Variants in LRRC28 observed in about 807,000 individuals in gnomAD.
The protein encoded by LRRC28 is leucine rich repeat containing 28.
In LRRC28, 39 loss-of-function variants were observed where a neutral mutation model predicts 45.7. The ratio of observed to expected loss-of-function variants is 0.85; its 90% CI spans 0.66 to 1.12. The LOEUF (loss-of-function observed/expected upper bound fraction) is 1.12, where lower values mean the gene tolerates loss of function less well. LRRC28 is among the 50% of genes most tolerant of loss of function. LRRC28 has a pLI of 0.00. For missense variants in LRRC28, 435 were observed against 438.5 expected, an observed-to-expected ratio of 0.99 and a Z score of 0.07; for synonymous variants, 206 against 178.8, an observed-to-expected ratio of 1.15 and a Z score of -1.22.
chr15:99,304,129 A>C (rs554444938), intron 5 of LRRC28, among the ~76,000 whole-genome samples: 7 of 152,176 alleles, frequency 4.6e-5, no homozygotes, highest in Non-Finnish European at 1.0e-4. Flanking sequence ...GAATACAGCC[A>C]TGTCCATTCG....
At chr15:99,270,651 T>C (rs1227391791) in intron 2 of LRRC28, among the ~76,000 whole-genome samples, 2 of 152,256 alleles carry the variant, frequency 1.3e-5, no homozygotes. Flanking sequence ...TGTATGGCTA[T>C]ACCACCATTT....
At chr15:99,361,804 G>A (rs1375548333) in intron 8 of LRRC28, among the ~76,000 whole-genome samples, 2 of 152,172 alleles carry the variant, frequency 1.3e-5, no homozygotes, top group Admixed American at 6.5e-5. Flanking sequence ...AAACGTGGTT[G>A]TCAGTTGCAA....
At chr15:99,253,607 G>A (rs1020777760) in intron 1 of LRRC28, among the ~76,000 whole-genome samples, 2 of 152,218 alleles carry the variant, frequency 1.3e-5, no homozygotes, top group African/African-American at 2.4e-5. Flanking sequence ...GCACCCTCAA[G>A]GCCTAGTATG....
chr15:99,311,236 G>T (rs1955398299), intron 5 of LRRC28, among the ~76,000 whole-genome samples: 1 of 152,200 alleles, frequency 6.6e-6, no homozygotes, highest in African/African-American at 2.4e-5. Context: ...GTGAGGTCAG[G>T]TGTATAATTT....
intron 5 of LRRC28, among the ~76,000 whole-genome samples, chr15:99,303,960 A>G (rs1161585759): frequency 6.6e-6 from 1 of 152,220 alleles, no homozygotes; most frequent in African/African-American, 2.4e-5. Flanking sequence ...AATTGTTTAC[A>G]TTGTTATCAG....
At chr15:99,361,190 G>T in intron 7 of LRRC28, 146 bp from the exon 8 acceptor site, 1 of 985,910 alleles carries the variant, frequency 1.0e-6, no homozygotes, top group Non-Finnish European at 1.4e-6. Context: ...AGGAACCCGG[G>T]ATAGCATCTG....
chr15:99,338,275 A>G (rs1013185899), intron 6 of LRRC28: 1 of 152,324 alleles, frequency 6.6e-6, no homozygotes, highest in Non-Finnish European at 1.5e-5. Context: ...AATTAAGTTT[A>G]TACACTTAAA....
intron 3 of LRRC28, among the ~76,000 whole-genome samples, chr15:99,281,910 T>G (rs774346033): frequency 7.9e-5 from 12 of 152,160 alleles, no homozygotes; most frequent in Non-Finnish European, 1.8e-4. Context: ...TGCAGGCTGT[T>G]CAGCTGATTG....
At chr15:99,343,994 C>T (rs986157982) in intron 6 of LRRC28, among the ~76,000 whole-genome samples, 14 of 152,216 alleles carry the variant, frequency 9.2e-5, no homozygotes, top group South Asian at 2.1e-4. Context: ...TGACCTTGCC[C>T]GGCGCTGCGG....
intron 5 of LRRC28, among the ~76,000 whole-genome samples, chr15:99,313,201 A>C (rs1955476645): frequency 6.6e-6 from 1 of 152,198 alleles, no homozygotes; most frequent in Non-Finnish European, 1.5e-5. Flanking sequence ...ACAATTTATA[A>C]TGATAAAAGG....
chr15:99,351,356 A>G (rs1383841711), intron 6 of LRRC28, among the ~76,000 whole-genome samples: 1 of 152,104 alleles, frequency 6.6e-6, no homozygotes, highest in African/African-American at 2.4e-5. Context: ...ATCCTCTTCC[A>G]TTCTTTGCCC....
At chr15:99,321,907 G>A (rs1955811296) in intron 5 of LRRC28, among the ~76,000 whole-genome samples, 1 of 152,118 alleles carries the variant, frequency 6.6e-6, no homozygotes, top group African/African-American at 2.4e-5. Context: ...AATTAAATAA[G>A]TAAATGCAGG....
intron 2 of LRRC28, among the ~76,000 whole-genome samples, chr15:99,271,869 G>T (rs1170671157): frequency 1.3e-5 from 2 of 152,198 alleles, no homozygotes; most frequent in Non-Finnish European, 2.9e-5. Flanking sequence ...AAAATGTTGA[G>T]ATTACAGGCT....
rs184058630 is a variant in LRRC28, at chr15:99,345,156, G to T, written c.593-7213G>T. Among the ~76,000 whole-genome samples, 11 of 151,858 alleles carry T rather than the reference G, an allele frequency of 7.2e-5. No homozygotes were observed. In the East Asian group the frequency reaches 2.1e-3, roughly 29 times the overall value. On this transcript the variant is annotated intron_variant, in intron 6 of 9. Transcript: ENST00000301981. ...ATTATACAGATGAGGAAACTAAGCCGCACATTTAGTAAATAGAACAAGGAT... is the reference window on the plus strand; with the variant it reads ...ATTATACAGATGAGGAAACTAAGCCTCACATTTAGTAAATAGAACAAGGAT...
chr15:99,379,600 T>C (rs1223046765), intron 9 of LRRC28, among the ~76,000 whole-genome samples: 1 of 152,238 alleles, frequency 6.6e-6, no homozygotes, highest in East Asian at 1.9e-4. Context: ...ATGTGTTTGC[T>C]CTTGCTTCTC....
intron 9 of LRRC28, among the ~76,000 whole-genome samples, chr15:99,383,501 T>A (rs1352030307): frequency 1.3e-5 from 2 of 152,192 alleles, no homozygotes; most frequent in Admixed American, 6.5e-5. Flanking sequence ...CCTAAATATA[T>A]TTTCCCCCAA....
At chr15:99,363,974 T>G (rs1013425927) in intron 9 of LRRC28, among the ~76,000 whole-genome samples, 4 of 152,210 alleles carry the variant, frequency 2.6e-5, no homozygotes, top group Admixed American at 1.3e-4. Context: ...AGTACCTCAT[T>G]TATCACCATC....
intron 5 of LRRC28, among the ~76,000 whole-genome samples, chr15:99,302,029 ATT>A (rs66480151): frequency 6.9e-5 from 10 of 143,910 alleles, no homozygotes; most frequent in Admixed American, 7.0e-5. Flanking sequence ...TGAGTTAATA[ATT>A]TTTTTTTTTT....
At chr15:99,261,495 G>T (rs2081197325) in intron 2 of LRRC28, among the ~76,000 whole-genome samples, 1 of 152,086 alleles carries the variant, frequency 6.6e-6, no homozygotes, top group African/African-American at 2.4e-5. Context: ...TTCGCAGATG[G>T]TGCCTTTTTG....
Sources: allele counts gnomAD v4.1 joint callset (sites outside exome capture counted in the v4.1 genomes callset), GRCh38; gene constraint gnomAD v4.1.1; transcripts MANE v1.5; gene names NCBI Gene and HGNC (gene_info 2026-07-23, HGNC 2026-07-21).